The following NKAIN3 variants were observed in gnomAD, a reference collection of about 807,000 sequenced individuals.
NKAIN3 encodes sodium/potassium-transporting ATPase subunit beta-1-interacting protein 3.
NKAIN3 carries 25 observed loss-of-function variants against 30.2 expected under a neutral mutation model. The observed-to-expected ratio is 0.83, with a 90% CI of 0.60 to 1.16. The LOEUF (loss-of-function observed/expected upper bound fraction) is 1.16, where lower values mean the gene tolerates loss of function less well. Among genes scored for constraint, NKAIN3 ranks in the 50% most tolerant of loss-of-function variants. The pLI is 0.00. For missense variants in NKAIN3, 225 were observed against 254.1 expected (o/e 0.89, Z 0.78); for synonymous variants, 91 against 89.6 (o/e 1.02, Z -0.09).
chr8:62,477,862 A>G (rs928872178), intron 1 of NKAIN3, among the ~76,000 whole-genome samples: 2 of 152,224 alleles, frequency 1.3e-5, no homozygotes, highest in Admixed American at 1.3e-4. Context: ...GGATTAGAAC[A>G]ATATTTAAAA....
intron 4 of NKAIN3, among the ~76,000 whole-genome samples, chr8:62,787,636 A>G (rs1465653164): frequency 6.6e-6 from 1 of 152,102 alleles, no homozygotes; most frequent in Non-Finnish European, 1.5e-5. Context: ...CCATTAACTC[A>G]TCATTTAACA....
At chr8:62,319,375 T>C (rs150129148) in intron 1 of NKAIN3, among the ~76,000 whole-genome samples, 3,582 of 152,290 alleles carry the variant, frequency 0.024, 63 homozygotes, top group Non-Finnish European at 0.039. Flanking sequence ...TTCTGGTAGC[T>C]TTTGAATGTG....
At chr8:62,765,120 G>A (rs1456072091) in intron 4 of NKAIN3, among the ~76,000 whole-genome samples, 1 of 151,776 alleles carries the variant, frequency 6.6e-6, no homozygotes, top group African/African-American at 2.4e-5. Flanking sequence ...GGTGGTGTGT[G>A]CCTGTAATCC....
At chr8:62,470,086 C>T (rs1473385608) in intron 1 of NKAIN3, among the ~76,000 whole-genome samples, 1 of 152,194 alleles carries the variant, frequency 6.6e-6, no homozygotes. Context: ...TATCAGACCT[C>T]TACTCTGCTG....
At position 62,978,808 on chromosome 8, in the gene NKAIN3, C is replaced by T. The variant is rs1028798837; in HGVS notation, c.*13401C>T. On this transcript the variant is annotated 3_prime_UTR_variant, in exon 7 of 7. Transcript: ENST00000623646. Reference sequence around the variant, plus strand: ...AGCTCAGTGTCTGCCCAAATGGCCACTCAGTTTTGTGCTTGAAATCCAGGG... The same window carrying T: ...AGCTCAGTGTCTGCCCAAATGGCCATTCAGTTTTGTGCTTGAAATCCAGGG... 1 of 153,914 alleles carries T rather than the reference C, an allele frequency of 6.5e-6. No homozygotes were observed. The highest frequency in any genetic ancestry group is 2.4e-5 in the African/African-American group (1 of 41,474). The allele number at this position is 153,914 out of a possible 1,614,324, so 9.5% of individuals were successfully genotyped here. A position where few individuals can be genotyped will look rare whatever the true frequency, so the allele number is the denominator to read the frequency against.
intron 4 of NKAIN3, among the ~76,000 whole-genome samples, chr8:62,868,332 G>C (rs1820486916): frequency 7.4e-6 from 1 of 135,076 alleles, no homozygotes; most frequent in Non-Finnish European, 1.6e-5. Flanking sequence ...TTTATTCTTA[G>C]TTCATTTCCT....
intron 4 of NKAIN3, among the ~76,000 whole-genome samples, chr8:62,845,043 A>T (rs1179093960): frequency 1.3e-5 from 2 of 151,868 alleles, no homozygotes. Context: ...ATTGTATGCA[A>T]CCGTAAATCA....
intron 1 of NKAIN3, chr8:62,383,582 T>A: frequency 2.2e-6 from 1 of 450,186 alleles, no homozygotes; most frequent in Non-Finnish European, 4.5e-6. Flanking sequence ...TTGAAGAACA[T>A]GCTTCTCCTG....
intron 4 of NKAIN3, among the ~76,000 whole-genome samples, chr8:62,788,174 T>A (rs1286320321): frequency 6.6e-6 from 1 of 152,204 alleles, no homozygotes. Flanking sequence ...AGTGTTCCTA[T>A]TTCTCCACAT....
At chr8:62,533,544 A>G (rs896489) in intron 1 of NKAIN3, among the ~76,000 whole-genome samples, 79,165 of 152,194 alleles carry the variant, frequency 0.52, 22,539 homozygotes, top group African/African-American at 0.77. Context: ...ATCATCCTCT[A>G]AAGAACATGA....
At chr8:62,442,625 A>C (rs1052552182) in intron 1 of NKAIN3, among the ~76,000 whole-genome samples, 4 of 148,420 alleles carry the variant, frequency 2.7e-5, no homozygotes, top group East Asian at 4.0e-4. Flanking sequence ...TTTTCTTTTT[A>C]TTTTTGGCTT....
intron 1 of NKAIN3, among the ~76,000 whole-genome samples, chr8:62,340,793 G>C (rs1815715588): frequency 6.6e-6 from 1 of 151,978 alleles, no homozygotes; most frequent in South Asian, 2.1e-4. Flanking sequence ...CTGAAACTTG[G>C]CTACGCAGGC....
chr8:62,620,047 C>A (rs998870123), intron 3 of NKAIN3, among the ~76,000 whole-genome samples: 1 of 152,040 alleles, frequency 6.6e-6, no homozygotes, highest in Admixed American at 6.5e-5. Flanking sequence ...GACACAGAAG[C>A]CTTATAAGAA....
At chr8:62,484,712 A>T (rs1026343334) in intron 1 of NKAIN3, among the ~76,000 whole-genome samples, 1 of 152,016 alleles carries the variant, frequency 6.6e-6, no homozygotes, top group Admixed American at 6.5e-5. Context: ...TCTGCATGGG[A>T]TTTCTTCTCT....
At chr8:62,419,191 C>T (rs1000533217) in intron 1 of NKAIN3, among the ~76,000 whole-genome samples, 20 of 152,144 alleles carry the variant, frequency 1.3e-4, no homozygotes, top group African/African-American at 4.8e-4. Flanking sequence ...TCATTTTAAG[C>T]TTATACTTTA....
intron 1 of NKAIN3, among the ~76,000 whole-genome samples, chr8:62,323,228 C>G (rs1237281929): frequency 6.6e-6 from 1 of 152,172 alleles, no homozygotes; most frequent in Non-Finnish European, 1.5e-5. Context: ...AACCTACACC[C>G]AAATGTCTAC....
intron 1 of NKAIN3, among the ~76,000 whole-genome samples, chr8:62,417,214 G>A (rs2129596454): frequency 6.6e-6 from 1 of 152,176 alleles, no homozygotes; most frequent in South Asian, 2.1e-4. Context: ...AAGTAAGTGA[G>A]AATGCAATGT....
At chr8:62,444,135 T>TG (rs199823205) in intron 1 of NKAIN3, among the ~76,000 whole-genome samples, 4,810 of 152,252 alleles carry the variant, frequency 0.032, 288 homozygotes, top group African/African-American at 0.11. Context: ...TACATATTTT[T>TG]GGGATACAAG....
At chr8:62,458,095 A>G (rs914909839) in intron 1 of NKAIN3, among the ~76,000 whole-genome samples, 3 of 152,192 alleles carry the variant, frequency 2.0e-5, no homozygotes, top group Admixed American at 6.5e-5. Flanking sequence ...ACAGCATCAT[A>G]ATAGACAGCT....
Sources: allele counts gnomAD v4.1 joint callset (sites outside exome capture counted in the v4.1 genomes callset), GRCh38; gene constraint gnomAD v4.1.1; transcripts MANE v1.5; gene names NCBI Gene and HGNC (gene_info 2026-07-23, HGNC 2026-07-21).